MYO5B: variants seen among roughly 807,000 people sequenced by gnomAD.
MYO5B encodes myosin VB.
Under a neutral mutation model 229.3 loss-of-function variants are expected in MYO5B, and 143 were observed. That is an observed-to-expected ratio of 0.62 (90% CI 0.54 to 0.72). MYO5B has a LOEUF of 0.72. Ranked by LOEUF, MYO5B falls within the 30% of genes least tolerant of loss-of-function variation. The pLI is 0.00. For synonymous variants in MYO5B, 918 were observed against 885.2 expected (o/e 1.04, Z -0.66); for missense variants, 2,321 against 2,331.0 (o/e 1.00, Z 0.09).
intron 4 of MYO5B, among the ~76,000 whole-genome samples, chr18:50,028,337 C>G (rs2026353141): frequency 6.6e-6 from 1 of 152,146 alleles, no homozygotes; most frequent in African/African-American, 2.4e-5. Flanking sequence ...TTTTCAGGCT[C>G]CATTAGAAAT....
chr18:50,041,141 A>G (rs978618359), intron 2 of MYO5B, among the ~76,000 whole-genome samples: 2 of 152,164 alleles, frequency 1.3e-5, no homozygotes, highest in African/African-American at 4.8e-5. Context: ...GTTCTTAAAA[A>G]TCTTCTGAGA....
At chr18:49,914,179 A>G (rs1313927893) in intron 17 of MYO5B, among the ~76,000 whole-genome samples, 1 of 152,202 alleles carries the variant, frequency 6.6e-6, no homozygotes, top group Admixed American at 6.5e-5. Flanking sequence ...CTGGGGCTTC[A>G]GGAGTCGCAG....
chr18:49,986,903 T>G (rs2025876260), intron 7 of MYO5B, among the ~76,000 whole-genome samples: 1 of 152,204 alleles, frequency 6.6e-6, no homozygotes, highest in South Asian at 2.1e-4. Context: ...TTGATTACCC[T>G]ATTGTAGAAA....
intron 1 of MYO5B, among the ~76,000 whole-genome samples, chr18:50,135,559 A>G (rs952154611): frequency 6.6e-6 from 1 of 152,178 alleles, no homozygotes; most frequent in African/African-American, 2.4e-5. Context: ...TCCCAAAGAC[A>G]CCTCTCTGGT....
intron 4 of MYO5B, among the ~76,000 whole-genome samples, chr18:50,019,163 C>T (rs1345708701): frequency 1.3e-5 from 2 of 152,172 alleles, no homozygotes; most frequent in East Asian, 1.9e-4. Flanking sequence ...AGTTCATAAA[C>T]GTGCTTTAAA....
chr18:49,856,174 G>C (rs1432427198), intron 30 of MYO5B, among the ~76,000 whole-genome samples: 7 of 152,216 alleles, frequency 4.6e-5, no homozygotes, highest in Non-Finnish European at 8.8e-5. Context: ...CTGGAACCAG[G>C]TTCAAATTCT....
At chr18:50,168,836 C>G (rs76587124) in intron 1 of MYO5B, among the ~76,000 whole-genome samples, 3,512 of 128,066 alleles carry the variant, frequency 0.027, 996 homozygotes, top group African/African-American at 0.098. Flanking sequence ...ATTCACATAT[C>G]TGTGTAAGCA....
chr18:49,978,725 ACACACACACACACACACAC>A (rs2025781361), intron 9 of MYO5B, among the ~76,000 whole-genome samples: 1 of 150,446 alleles, frequency 6.6e-6, no homozygotes, highest in African/African-American at 2.5e-5. Context: ...ACACACACAC[ACACACACACACACACACAC>A]AAAATGCTCA....
chr18:49,989,594 A>G (rs2025907511), intron 7 of MYO5B, among the ~76,000 whole-genome samples: 1 of 152,136 alleles, frequency 6.6e-6, no homozygotes, highest in Non-Finnish European at 1.5e-5. Flanking sequence ...TTACCCCATA[A>G]GGACCCACAC....
Position 49,879,044 on chromosome 18 carries a change from T to C in MYO5B, c.3177A>G (p.Glu1059=), listed in dbSNP as rs759564299. The change falls in exon 24 of 40, where the codon GAA becomes GAG. Residue 1059 remains glutamate, a synonymous_variant. Transcript: ENST00000285039. ...GGTACCGGGATCGCTCCTCCTCCAGTTCTTTCTTCATGAGATTTTCCTTCA... is the reference window on the plus strand; with the variant it reads ...GGTACCGGGATCGCTCCTCCTCCAGCTCTTTCTTCATGAGATTTTCCTTCA... ...NSVKENLMKK[E]LEEERSRYQN... is the part of the protein sequence containing the mutation. 53 of 1,596,798 alleles carry C rather than the reference T, an allele frequency of 3.3e-5. No homozygotes were observed. The highest frequency in any genetic ancestry group is 4.3e-5 in the African/African-American group (3 of 69,120).
chr18:49,881,329 A>T (rs1195257375), intron 22 of MYO5B, among the ~76,000 whole-genome samples: 2 of 152,208 alleles, frequency 1.3e-5, no homozygotes, highest in African/African-American at 4.8e-5. Context: ...GGACCAGCAC[A>T]GTTCAAATTC....
intron 2 of MYO5B, among the ~76,000 whole-genome samples, chr18:50,045,513 C>T (rs2030199317): frequency 6.6e-6 from 1 of 152,136 alleles, no homozygotes; most frequent in African/African-American, 2.4e-5. Flanking sequence ...CCTGCCTCGG[C>T]CTCCCAAGTA....
intron 1 of MYO5B, among the ~76,000 whole-genome samples, chr18:50,077,596 C>G (rs949595306): frequency 6.6e-6 from 1 of 151,860 alleles, no homozygotes; most frequent in South Asian, 2.1e-4. Flanking sequence ...TCCCACTCAT[C>G]TCCTATAGAT....
chr18:50,104,303 C>CAA (rs1318625584), intron 1 of MYO5B, among the ~76,000 whole-genome samples: 2 of 138,168 alleles, frequency 1.4e-5, no homozygotes, highest in Non-Finnish European at 3.1e-5. Flanking sequence ...TCATAAATCT[C>CAA]AAAAAAATTT....
chr18:49,870,900 TTAA>T (rs1200871358), intron 27 of MYO5B, among the ~76,000 whole-genome samples: 8 of 152,292 alleles, frequency 5.3e-5, no homozygotes, highest in Admixed American at 1.3e-4. Flanking sequence ...CCTCCAAAAA[TTAA>T]TAATAGGATG....
intron 1 of MYO5B, among the ~76,000 whole-genome samples, chr18:50,193,743 T>C (rs1212469867): frequency 6.6e-5 from 10 of 152,218 alleles, no homozygotes; most frequent in African/African-American, 2.4e-4. Context: ...CATTGGACTA[T>C]CCAAAACTTG....
chr18:49,980,889 T>C (rs563557138), intron 8 of MYO5B, among the ~76,000 whole-genome samples: 2 of 152,264 alleles, frequency 1.3e-5, no homozygotes, highest in African/African-American at 4.8e-5. Flanking sequence ...CCAAACACTT[T>C]ATGGATGTTT....
rs11313115 is a variant in MYO5B, at chr18:49,939,148, CTTTTTTT to C, written c.1753-1758_1753-1752del. Among the ~76,000 whole-genome samples, 44 of 119,050 alleles carry C rather than the reference CTTTTTTT, an allele frequency of 3.7e-4. 1 individual carries two copies. Among genetic ancestry groups the C allele is most frequent in the Middle Eastern group, 5.3e-3 (1 of 188 alleles). The allele number at this position is 119,050 out of a possible 152,430, so 78.1% of individuals were successfully genotyped here. A position where few individuals can be genotyped will look rare whatever the true frequency, so the allele number is the denominator to read the frequency against. On this transcript the variant is annotated intron_variant, in intron 14 of 39. Transcript: ENST00000285039. ...TACATTAACACTCTTTCTTTTTTTTCTTTTTTTTTTTTTTTTTTGAAACAGTCTCGCT... is the reference window on the plus strand; with the variant it reads ...TACATTAACACTCTTTCTTTTTTTTCTTTTTTTTTTTGAAACAGTCTCGCT...
intron 22 of MYO5B, among the ~76,000 whole-genome samples, chr18:49,883,381 A>C (rs1044030244): frequency 1.3e-4 from 20 of 150,144 alleles, no homozygotes; most frequent in African/African-American, 4.8e-4. Context: ...TAAATTAAGA[A>C]AACGATTCCA....
Sources: gnomAD v4.1 joint callset for allele counts (sites outside exome capture counted in the v4.1 genomes callset) on GRCh38, gnomAD v4.1.1 for gene constraint, MANE v1.5 for transcripts, NCBI Gene and HGNC (gene_info 2026-07-23, HGNC 2026-07-21) for gene names.